Variants in ILKAP observed in about 807,000 individuals in gnomAD.
ILKAP encodes the protein ILK associated serine/threonine phosphatase.
Under a neutral mutation model 49.1 loss-of-function variants are expected in ILKAP, and 11 were observed. The observed-to-expected ratio is 0.22, with a 90% CI of 0.14 to 0.37. ILKAP has a LOEUF of 0.37. Among genes scored for constraint, ILKAP ranks in the 10% least tolerant of loss-of-function variants. The probability of loss-of-function intolerance (pLI) is 1.00; values close to 1 mark genes in which losing one functional copy is unlikely to be tolerated. For missense variants in ILKAP, 363 were observed against 510.8 expected (o/e 0.71, Z 2.79); for synonymous variants, 186 against 192.8 (o/e 0.96, Z 0.29).
intron 5 of ILKAP, among the ~76,000 whole-genome samples, chr2:238,187,408 G>A (rs1693949932): frequency 6.6e-6 from 1 of 152,080 alleles, no homozygotes; most frequent in Admixed American, 6.6e-5. Flanking sequence ...GTCAGTAAAG[G>A]TACGTAATGT....
chr2:238,170,780 G>A (rs1693180305), intron 11 of ILKAP, 104 bp from the exon 12 acceptor site: 1 of 1,571,376 alleles, frequency 6.4e-7, no homozygotes. Context: ...CTCCATCAGG[G>A]CTGGCAGGAC....
rs1694257242 is a variant in ILKAP at position 238,194,221 on chromosome 2, G to GTAAAA, written c.178+49_178+53dup. 4.8e-5 allele frequency: 70 copies of GTAAAA among 1,473,382 alleles called. No individual in the cohort carries two copies. In the Middle Eastern group the frequency reaches 1.0e-3, roughly 22 times the overall value. The allele number at this position is 1,473,382 out of a possible 1,614,324, so 91.3% of individuals were successfully genotyped here. A position where few individuals can be genotyped will look rare whatever the true frequency, so the allele number is the denominator to read the frequency against. On this transcript the variant is annotated intron_variant, in intron 3 of 11. Coordinates refer to ENST00000254654, the MANE Select transcript of ILKAP (RefSeq NM_030768.3). Reference sequence around the variant, plus strand: ...ACCTATACATAAATTTCACATAAGAGTAAAATACTATGTATTATTTCCATC... The same window carrying GTAAAA: ...ACCTATACATAAATTTCACATAAGAGTAAAATAAAATACTATGTATTATTTCCATC...
intron 10 of ILKAP, 53 bp from the exon 11 acceptor site, chr2:238,171,077 A>C: frequency 7.9e-7 from 1 of 1,261,536 alleles, no homozygotes; most frequent in Non-Finnish European, 1.1e-6. Flanking sequence ...CAAAAAATAA[A>C]AAATAAAAAA....
intron 10 of ILKAP, among the ~76,000 whole-genome samples, chr2:238,172,087 T>C (rs972848238): frequency 1.2e-4 from 19 of 152,144 alleles, no homozygotes; most frequent in African/African-American, 4.6e-4. Flanking sequence ...ACTTTCCCTC[T>C]TGTTGCCCAG....
rs986481746 is a variant in ILKAP, at chr2:238,203,509, G to A, written c.45C>T (p.Arg15=). ...GDLPEPERSP[R]PAAGKEAQKG... is the part of the protein sequence containing the mutation. ...GGCAACGCCGCTTACCGGCAGCCGG[G>A]CGCGGCGAGCGCTCGGGCTCCGGCA... Residue 15 remains arginine, a synonymous_variant, in exon 1 of 12, where the codon CGC becomes CGT. Transcript: ENST00000254654. 4 of 1,249,980 alleles carry A rather than the reference G, an allele frequency of 3.2e-6. No individual in the cohort carries two copies. Among genetic ancestry groups the A allele is most frequent in the Non-Finnish European group, 4.1e-6 (4 of 987,044 alleles). 77.4% of individuals were successfully genotyped at this position (1,249,980 alleles called of 1,614,324 possible).
At chr2:238,197,458 T>G (rs1694392300) in intron 1 of ILKAP, among the ~76,000 whole-genome samples, 1 of 152,166 alleles carries the variant, frequency 6.6e-6, no homozygotes, top group African/African-American at 2.4e-5. Context: ...CAAACAACCC[T>G]TCCGCTTGTA....
intron 5 of ILKAP, chr2:238,185,558 C>G (rs755979507): frequency 1.6e-5 from 5 of 303,054 alleles, no homozygotes; most frequent in Non-Finnish European, 3.1e-5. Context: ...AATCCCAGCG[C>G]TTTGGGAGGC....
intron 3 of ILKAP, among the ~76,000 whole-genome samples, chr2:238,192,733 G>A (rs147667010): frequency 1.5e-3 from 219 of 148,936 alleles, no homozygotes; most frequent in African/African-American, 5.2e-3. Flanking sequence ...ATGTGTTATC[G>A]GCTGGGTGCA....
chr2:238,179,925 TGTATTCCC>T (rs1331949118), intron 9 of ILKAP, among the ~76,000 whole-genome samples: 2 of 152,162 alleles, frequency 1.3e-5, no homozygotes, highest in Admixed American at 1.3e-4. Flanking sequence ...GGCTCACACC[TGTATTCCC>T]TGCACTCTGG....
intron 10 of ILKAP, among the ~76,000 whole-genome samples, chr2:238,172,343 C>T (rs1191159516): frequency 1.3e-5 from 2 of 152,354 alleles, no homozygotes; most frequent in Non-Finnish European, 2.9e-5. Context: ...TGAGCCACCA[C>T]ACCCAGCCTG....
At chr2:238,192,331 A>G (rs182817003) in intron 3 of ILKAP, among the ~76,000 whole-genome samples, 4 of 152,372 alleles carry the variant, frequency 2.6e-5, no homozygotes, top group East Asian at 1.9e-4. Flanking sequence ...AGTCTGTACA[A>G]GAAACAGATC....
intron 1 of ILKAP, among the ~76,000 whole-genome samples, chr2:238,200,877 T>C (rs768517601): frequency 6.6e-6 from 1 of 152,234 alleles, no homozygotes; most frequent in Non-Finnish European, 1.5e-5. Context: ...CCCCACACTA[T>C]GTGCAGCACC....
intron 3 of ILKAP, among the ~76,000 whole-genome samples, chr2:238,191,985 G>C (rs1694145943): frequency 6.6e-6 from 1 of 151,582 alleles, no homozygotes; most frequent in African/African-American, 2.4e-5. Flanking sequence ...GGCAGAGGCA[G>C]GCGGATCATG....
At chr2:238,197,315 G>A (rs1054934652) in intron 1 of ILKAP, among the ~76,000 whole-genome samples, 7 of 152,116 alleles carry the variant, frequency 4.6e-5, no homozygotes, top group African/African-American at 1.7e-4. Context: ...CAATCACAAC[G>A]CCCGTTCTCC....
chr2:238,188,252 A>C lies in ILKAP; in HGVS notation c.304T>G (p.Ser102Ala). The C allele has an allele frequency of 5.6e-6, 9 of 1,613,740 alleles. No homozygotes were observed. Among genetic ancestry groups the C allele is most frequent in the Non-Finnish European group, 7.6e-6 (9 of 1,179,856 alleles). The stretch of plus-strand genomic sequence containing the variant: ...TAGCCCTTCAGACCAAAGATCACCG[A>C]AGAGGCTAAGGAAAAGAGAACAAAA... ...LVEKKVCKASSVIFGLKGYVA... is the reference protein window; with the variant it reads ...LVEKKVCKASAVIFGLKGYVA... The change falls in exon 5 of 12, where the codon TCG becomes GCG. Residue 102 changes from serine to alanine, a missense_variant. Coordinates refer to ENST00000254654, the MANE Select transcript of ILKAP (RefSeq NM_030768.3).
chr2:238,174,234 A>C (rs1331299927), intron 9 of ILKAP, among the ~76,000 whole-genome samples: 1 of 152,134 alleles, frequency 6.6e-6, no homozygotes, highest in African/African-American at 2.4e-5. Context: ...CACCCATTCT[A>C]TTTTAGGTGA....
At chr2:238,195,293 G>A (rs1200523949) in intron 1 of ILKAP, among the ~76,000 whole-genome samples, 1 of 152,140 alleles carries the variant, frequency 6.6e-6, no homozygotes, top group African/African-American at 2.4e-5. Flanking sequence ...GTGGGGTGGA[G>A]GAGGGGCCTT....
chr2:238,190,660 T>C lies in ILKAP; in HGVS notation c.179-688A>G, dbSNP rs1000402938. On this transcript the variant is annotated intron_variant, in intron 3 of 11. Coordinates refer to ENST00000254654, the MANE Select transcript of ILKAP (RefSeq NM_030768.3). The stretch of plus-strand genomic sequence containing the variant: ...GGGTCAGGACAAGTAGGAAGAGCAT[T>C]TGTCACAGTGCCTAACACATCAATC... Among the ~76,000 whole-genome samples the C allele has an allele frequency of 1.5e-4, 23 of 152,216 alleles. No homozygotes were observed. The South Asian group carries it at 2.1e-3, about 14-fold the overall frequency.
Position 238,170,992 on chromosome 2 carries a change from T to C in ILKAP, c.989A>G (p.Lys330Arg), listed in dbSNP as rs573384256. 3.1e-6 allele frequency: 5 copies of C among 1,613,810 alleles called. No homozygotes were observed. The East Asian group carries it at 1.1e-4, about 36-fold the overall frequency. ...FILLACDGLF[K>R]VFTPEEAVNF... ...CACGGCTTCTTCTGGGGTAAAGACCTTGAAGAGCCCATCACAGGCCAACAA... is the reference window on the plus strand; with the variant it reads ...CACGGCTTCTTCTGGGGTAAAGACCCTGAAGAGCCCATCACAGGCCAACAA... The change falls in exon 11 of 12, where the codon AAG becomes AGG. Residue 330 changes from lysine (K) to arginine (R), a missense_variant. Physicochemically the swap from Lys to Arg is conservative, Grantham distance 26. Around this residue, in one of 3 missense-constraint regions of ILKAP, gnomAD observed 166 missense variants for 307.3 expected, o/e 0.54. Transcript: ENST00000254654.
Sources: gnomAD v4.1 joint callset for allele counts (sites outside exome capture counted in the v4.1 genomes callset) on GRCh38, gnomAD v4.1.1 for gene constraint, gnomAD v4.1.1 regional missense constraint, MANE v1.5 for transcripts, NCBI Gene and HGNC (gene_info 2026-07-23, HGNC 2026-07-21) for gene names.